Variants in SLC25A16 observed in about 807,000 individuals in gnomAD.
SLC25A16 encodes mitochondrial coenzyme A transporter SLC25A16.
A neutral mutation model predicts 41.5 loss-of-function variants in SLC25A16; 39 were observed. The observed-to-expected ratio is 0.94, with a 90% confidence interval of 0.73 to 1.23. The LOEUF (loss-of-function observed/expected upper bound fraction) is 1.23, where lower values mean the gene tolerates loss of function less well. Ranked by LOEUF, SLC25A16 falls within the 50% of genes most tolerant of loss-of-function variation. The pLI is 0.00. For missense variants in SLC25A16, 421 were observed against 426.9 expected, an observed-to-expected ratio of 0.99 and a Z score of 0.12; for synonymous variants, 146 against 147.8, an observed-to-expected ratio of 0.99 and a Z score of 0.09.
intron 2 of SLC25A16, among the ~76,000 whole-genome samples, chr10:68,507,164 C>A (rs987798712): frequency 4.0e-5 from 6 of 150,722 alleles, no homozygotes; most frequent in Non-Finnish European, 7.4e-5. Context: ...CCTCCGCCTC[C>A]CAGGTTCAAA....
intron 2 of SLC25A16, among the ~76,000 whole-genome samples, chr10:68,511,835 AG>A (rs1445310355): frequency 6.6e-6 from 1 of 151,858 alleles, no homozygotes; most frequent in Non-Finnish European, 1.5e-5. Flanking sequence ...CTGGGACTAC[AG>A]GTACATGCAA....
chr10:68,489,710 G>C (rs2052624705), intron 6 of SLC25A16, among the ~76,000 whole-genome samples: 1 of 152,008 alleles, frequency 6.6e-6, no homozygotes, highest in Non-Finnish European at 1.5e-5. Context: ...AGACCATCCT[G>C]GCCAACATGG....
rs754318009 is a variant in SLC25A16 at position 68,483,424 on chromosome 10, A to AT, written c.*7dup. 1.9e-4 allele frequency: 296 copies of AT among 1,525,186 alleles called. No homozygotes were observed. Among genetic ancestry groups the AT allele is most frequent in the South Asian group, 3.9e-4 (31 of 80,376 alleles). The allele number at this position is 1,525,186 out of a possible 1,614,324, so 94.5% of individuals were successfully genotyped here. On this transcript the variant is annotated 3_prime_UTR_variant, in exon 9 of 9. Transcript: ENST00000609923. ...AATGTATTAAGAAAAACCAACCATA[A>AT]TTTTTTTTTAGTTGAGGTGAAAAAA...
At chr10:68,503,487 TGAGGATGCA>T in intron 4 of SLC25A16, 136 bp downstream of exon 4, 1 of 508,378 alleles carries the variant, frequency 2.0e-6, no homozygotes, top group African/African-American at 2.0e-5. Context: ...TACCTTTTTT[TGAGGATGCA>T]CCCAGGAAAA....
At chr10:68,505,121 A>C (rs2052929649) in intron 3 of SLC25A16, among the ~76,000 whole-genome samples, 1 of 152,202 alleles carries the variant, frequency 6.6e-6, no homozygotes, top group African/African-American at 2.4e-5. Context: ...CAACACAGTG[A>C]GACCCCATCT....
At chr10:68,494,278 A>G (rs904887916) in intron 4 of SLC25A16, among the ~76,000 whole-genome samples, 1 of 151,930 alleles carries the variant, frequency 6.6e-6, no homozygotes, top group Non-Finnish European at 1.5e-5. Flanking sequence ...CCTGGCCAAC[A>G]TGGTGAAACC....
intron 6 of SLC25A16, 22 bp from the exon 7 acceptor site, chr10:68,488,651 C>A (rs2052605435): frequency 6.3e-7 from 1 of 1,588,920 alleles, no homozygotes; most frequent in Non-Finnish European, 8.6e-7. Flanking sequence ...AAAATAAATT[C>A]ACCATGATGC....
At chr10:68,506,816 G>T in intron 2 of SLC25A16, 98 bp from the exon 3 acceptor site, 1 of 700,792 alleles carries the variant, frequency 1.4e-6, no homozygotes, top group South Asian at 2.7e-5. Flanking sequence ...CATCACTCAA[G>T]ATATAATTTT....
In SLC25A16 at chr10:68,510,579, G is replaced by A. The variant is rs186182628; in HGVS notation, c.224-3861C>T. On this transcript the variant is annotated intron_variant, in intron 2 of 8. Coordinates refer to ENST00000609923, the MANE Select transcript of SLC25A16 (RefSeq NM_152707.4). ...AAATGGGCCGGGCGCGGTGGCTTAC[G>A]CCTATAATCCCAGCACTTTTGGAGG... is the stretch of plus-strand genomic sequence containing the variant. Among the ~76,000 whole-genome samples the A allele has an allele frequency of 3.5e-3, 540 of 152,134 alleles. 4 individuals are homozygous for A. Among genetic ancestry groups the A allele is most frequent in the African/African-American group, 0.012 (513 of 41,516 alleles).
At chr10:68,517,848 G>A (rs1054460553) in intron 1 of SLC25A16, 3 of 152,042 alleles carry the variant, frequency 2.0e-5, no homozygotes, top group Admixed American at 6.6e-5. Context: ...GCAGGCGCCT[G>A]TAGTCCCAGC....
intron 2 of SLC25A16, among the ~76,000 whole-genome samples, chr10:68,509,799 T>A (rs2053029284): frequency 6.7e-6 from 1 of 150,074 alleles, no homozygotes; most frequent in Admixed American, 6.7e-5. Context: ...ATATATTTTT[T>A]AAAAAGACAA....
intron 4 of SLC25A16, chr10:68,496,291 A>C (rs1167635101): frequency 6.4e-6 from 1 of 156,800 alleles, no homozygotes; most frequent in Admixed American, 6.6e-5. Flanking sequence ...AGGGTGACTG[A>C]GGTTTTCAAT....
intron 2 of SLC25A16, among the ~76,000 whole-genome samples, chr10:68,509,743 C>CTATATCTATATCTATATCTATATCTATA (rs1564923024): frequency 1.4e-5 from 2 of 144,664 alleles, no homozygotes; most frequent in African/African-American, 5.2e-5. Flanking sequence ...ATATATATAT[C>CTATATCTATATCTATATCTATATCTATA]TATATATATA....
intron 4 of SLC25A16, among the ~76,000 whole-genome samples, chr10:68,495,201 A>G (rs1422893356): frequency 6.6e-6 from 1 of 152,068 alleles, no homozygotes; most frequent in Non-Finnish European, 1.5e-5. Context: ...ACTTGAGGTC[A>G]GAAGTTCCAG....
rs913526751 is a variant in SLC25A16 at position 68,483,221 on chromosome 10, T to G, written c.*211A>C. The G allele has an allele frequency of 2.6e-5, 10 of 389,506 alleles. No individual in the cohort carries two copies. The highest frequency in any genetic ancestry group is 1.3e-4 in the Admixed American group (3 of 22,612). 24.1% of individuals were successfully genotyped at this position (389,506 alleles called of 1,614,324 possible). Reference sequence around the variant, plus strand: ...CCAGCATCAGCTTAGGAATATTTTCTTCAATGTTCTAAGGTATAATGTTTG... The same window carrying G: ...CCAGCATCAGCTTAGGAATATTTTCGTCAATGTTCTAAGGTATAATGTTTG... On this transcript the variant is annotated 3_prime_UTR_variant, in exon 9 of 9. Coordinates refer to ENST00000609923, the MANE Select transcript of SLC25A16 (RefSeq NM_152707.4).
At chr10:68,501,004 C>A (rs2052834258) in intron 4 of SLC25A16, among the ~76,000 whole-genome samples, 7 of 151,654 alleles carry the variant, frequency 4.6e-5, no homozygotes, top group Admixed American at 4.6e-4. Flanking sequence ...GTAATCCCAG[C>A]ACTTTGGAGG....
At chr10:68,525,826 CAT>C (rs1007336752) in intron 1 of SLC25A16, among the ~76,000 whole-genome samples, 150 of 152,286 alleles carry the variant, frequency 9.8e-4, no homozygotes, top group African/African-American at 3.5e-3. Flanking sequence ...CTCTCTGAAA[CAT>C]GTGCTGTGTC....
chr10:68,494,469 A>C (rs1361459277), intron 4 of SLC25A16, among the ~76,000 whole-genome samples: 2 of 132,526 alleles, frequency 1.5e-5, no homozygotes, highest in Admixed American at 1.5e-4. Context: ...AAAGAAAAGA[A>C]AAGGAGGGGA....
intron 6 of SLC25A16, among the ~76,000 whole-genome samples, chr10:68,490,378 T>C (rs1355650260): frequency 2.6e-5 from 4 of 151,922 alleles, no homozygotes; most frequent in African/African-American, 9.7e-5. Flanking sequence ...GTTTTACTCT[T>C]GTCACCCAGG....
Sources: allele counts gnomAD v4.1 joint callset (sites outside exome capture counted in the v4.1 genomes callset), GRCh38; gene constraint gnomAD v4.1.1; transcripts MANE v1.5; gene names NCBI Gene and HGNC (gene_info 2026-07-23, HGNC 2026-07-21).